The following ZNF280D variants were observed in gnomAD, a reference collection of about 807,000 sequenced individuals.
ZNF280D encodes the protein suppressor of hairy wing homolog 4.
ZNF280D carries 39 observed loss-of-function variants against 94.7 expected under a neutral mutation model. The ratio of observed to expected loss-of-function variants is 0.41; its 90% CI spans 0.32 to 0.54. ZNF280D has a LOEUF of 0.54. Ranked by LOEUF, ZNF280D falls within the 20% of genes least tolerant of loss-of-function variation. The pLI is 0.22. For missense variants in ZNF280D, 1,090 were observed against 1,149.3 expected (o/e 0.95, Z 0.75); for synonymous variants, 398 against 377.6 (o/e 1.05, Z -0.63).
chr15:56,682,161 C>T (rs1362150701), intron 10 of ZNF280D, 93 bp downstream of exon 10: 2 of 900,456 alleles, frequency 2.2e-6, no homozygotes, highest in African/African-American at 1.8e-5. Flanking sequence ...AATCACTTAC[C>T]TAGAATGGCA....
At chr15:56,723,549 AAAGT>A (rs1168495146) in intron 1 of ZNF280D, among the ~76,000 whole-genome samples, 1 of 152,214 alleles carries the variant, frequency 6.6e-6, no homozygotes, top group Non-Finnish European at 1.5e-5. Flanking sequence ...TTAAATTATA[AAAGT>A]TAGTTTTACT....
chr15:56,684,497 G>A (rs1285307668), intron 9 of ZNF280D, among the ~76,000 whole-genome samples: 1 of 150,586 alleles, frequency 6.6e-6, no homozygotes, highest in Non-Finnish European at 1.5e-5. Flanking sequence ...TATTTAGAAG[G>A]AAAAAAAAGA....
intron 9 of ZNF280D, among the ~76,000 whole-genome samples, chr15:56,684,437 G>A (rs1200964219): frequency 3.9e-5 from 6 of 152,082 alleles, no homozygotes; most frequent in Non-Finnish European, 8.8e-5. Context: ...TGAAGCAACT[G>A]CCTCTATTTG....
In ZNF280D at chr15:56,678,731, A is replaced by C. The variant is rs147328251; in HGVS notation, c.1095T>G (p.Arg365=). 81 of 1,613,328 alleles carry C rather than the reference A, an allele frequency of 5.0e-5. No individual in the cohort carries two copies. In the Middle Eastern group the frequency reaches 1.7e-3, roughly 33 times the overall value. Residue 365 remains arginine (R), a synonymous_variant, in exon 11 of 22, where the codon CGT becomes CGG. Coordinates refer to ENST00000267807, the MANE Select transcript of ZNF280D (RefSeq NM_017661.4). ...GCAACTGAAATGGTGTGGGAAACTG[A>C]CGGTAGCAGTGCTGGCAGGTGGTAT... ...ENHTTCQHCY[R]QFPTPFQLQC...
At chr15:56,708,042 G>A (rs2057522001) in intron 1 of ZNF280D, among the ~76,000 whole-genome samples, 1 of 151,938 alleles carries the variant, frequency 6.6e-6, no homozygotes, top group Admixed American at 6.6e-5. Context: ...AAATAAACAA[G>A]CTTTTATAAA....
chr15:56,685,178 C>T (rs562918233), intron 9 of ZNF280D, among the ~76,000 whole-genome samples: 52 of 152,162 alleles, frequency 3.4e-4, no homozygotes, highest in African/African-American at 8.7e-4. Context: ...TGAACATGAA[C>T]GACCTCACAG....
intron 16 of ZNF280D, among the ~76,000 whole-genome samples, chr15:56,660,914 A>C (rs1023987181): frequency 6.6e-6 from 1 of 152,042 alleles, no homozygotes; most frequent in Admixed American, 6.6e-5. Flanking sequence ...ACATTAGACT[A>C]GAGGCCGATG....
rs1478303767 is a variant in ZNF280D at position 56,654,220 on chromosome 15, G to A, written c.2191C>T (p.Pro731Ser). ...VVMQKVSVCI[P>S]TSEHLSELKK... is the part of the protein sequence containing the mutation. ...TACTCAGAAAGGTGCTCAGAAGTTG[G>A]GATACAAACAGAAACTGAAATTAGA... The change falls in exon 19 of 22, where the codon CCA becomes TCA. Residue 731 changes from proline (P) to serine (S), a missense_variant. Pro to Ser is a moderately conservative substitution (Grantham distance 74, BLOSUM62 -1). Around this residue, in one of 3 missense-constraint regions of ZNF280D, gnomAD observed 577 missense variants for 568.8 expected, o/e 1.01. Transcript: ENST00000267807. 2.5e-6 allele frequency: 4 copies of A among 1,610,174 alleles called. No individual in the cohort carries two copies. The East Asian group carries it at 8.9e-5, about 36-fold the overall frequency.
At chr15:56,637,249 T>A (rs1010923343) in intron 20 of ZNF280D, among the ~76,000 whole-genome samples, 1 of 151,654 alleles carries the variant, frequency 6.6e-6, no homozygotes, top group African/African-American at 2.4e-5. Context: ...ATAGCTCAAC[T>A]GCAACCTCGA....
At chr15:56,669,459 T>A (rs1169678154) in intron 13 of ZNF280D, among the ~76,000 whole-genome samples, 1 of 151,896 alleles carries the variant, frequency 6.6e-6, no homozygotes, top group Non-Finnish European at 1.5e-5. Flanking sequence ...ATATCTCCTA[T>A]GATAATGAAA....
At chr15:56,692,972 G>T (rs573854150) in intron 7 of ZNF280D, 126 bp downstream of exon 7, 7 of 548,980 alleles carry the variant, frequency 1.3e-5, no homozygotes, top group Admixed American at 7.0e-5. Context: ...TACTAGTGAC[G>T]TTCCACCTTA....
Position 56,716,089 on chromosome 15 carries a change from C to A in ZNF280D, c.-85-8783G>T, listed in dbSNP as rs1012548755. The stretch of plus-strand genomic sequence containing the variant: ...CTTGAGCACCCTCAAATTCTGCTAT[C>A]CACTGGGGTCTTGGAACCAATCCCT... On this transcript the variant is annotated intron_variant, in intron 1 of 21. Coordinates refer to ENST00000267807, the MANE Select transcript of ZNF280D (RefSeq NM_017661.4). Among the ~76,000 whole-genome samples the A allele has an allele frequency of 7.9e-5, 12 of 152,094 alleles. No homozygotes were observed. The East Asian group carries it at 1.5e-3, about 20-fold the overall frequency.
In ZNF280D at chr15:56,668,881, T is replaced by A; in HGVS notation, c.1487A>T (p.Gln496Leu). 4 of 1,612,340 alleles carry A rather than the reference T, an allele frequency of 2.5e-6. No individual in the cohort carries two copies. Among genetic ancestry groups the A allele is most frequent in the Non-Finnish European group, 3.4e-6 (4 of 1,179,064 alleles). Residue 496 changes from glutamine to leucine, a missense_variant, in exon 14 of 22, where the codon CAA becomes CTA. Gln to Leu is a moderately radical substitution (Grantham distance 113, BLOSUM62 -2). This residue lies in a region of ZNF280D where 577 missense variants were observed against 568.8 expected (regional missense o/e 1.01). Transcript: ENST00000267807. ...TCKEKMDHKT[Q>L]HHRTFIKPKQ... ...AGGTTTTATAAATGTTCGATGGTGT[T>A]GAGTCTTATGATCCATTTTCTCCTT...
At chr15:56,667,505 T>C (rs908102643) in intron 14 of ZNF280D, among the ~76,000 whole-genome samples, 4 of 152,176 alleles carry the variant, frequency 2.6e-5, no homozygotes, top group East Asian at 1.9e-4. Context: ...TTATACTGCA[T>C]AGAGGGCTAA....
chr15:56,711,663 CA>C (rs1419784531), intron 1 of ZNF280D, among the ~76,000 whole-genome samples: 1 of 150,858 alleles, frequency 6.6e-6, no homozygotes, highest in Non-Finnish European at 1.5e-5. Flanking sequence ...GACTCAGTCT[CA>C]AAAAAACAAA....
intron 13 of ZNF280D, among the ~76,000 whole-genome samples, chr15:56,675,853 T>C (rs573592490): frequency 3.9e-5 from 6 of 152,174 alleles, no homozygotes; most frequent in Non-Finnish European, 8.8e-5. Context: ...CAAAATTTGA[T>C]TACATGATCA....
intron 1 of ZNF280D, among the ~76,000 whole-genome samples, chr15:56,709,695 T>C (rs2057644657): frequency 6.6e-6 from 1 of 152,178 alleles, no homozygotes; most frequent in Non-Finnish European, 1.5e-5. Flanking sequence ...AAGGATGAGT[T>C]CATGTCTTTG....
At chr15:56,650,482 T>C (rs181677484) in intron 19 of ZNF280D, among the ~76,000 whole-genome samples, 2 of 152,150 alleles carry the variant, frequency 1.3e-5, no homozygotes, top group Non-Finnish European at 2.9e-5. Context: ...ATATTTTGAC[T>C]GTCAATGTCT....
chr15:56,712,114 T>C (rs1192878058), intron 1 of ZNF280D, among the ~76,000 whole-genome samples: 2 of 152,226 alleles, frequency 1.3e-5, no homozygotes, highest in Admixed American at 1.3e-4. Context: ...ATTTTAGCTT[T>C]ATATCTTCCA....
Sources: gnomAD v4.1 joint callset for allele counts (sites outside exome capture counted in the v4.1 genomes callset) on GRCh38, gnomAD v4.1.1 for gene constraint, gnomAD v4.1.1 regional missense constraint, MANE v1.5 for transcripts, NCBI Gene and HGNC (gene_info 2026-07-23, HGNC 2026-07-21) for gene names.